The following DYSF variants were observed in gnomAD, a reference collection of about 807,000 sequenced individuals.
DYSF encodes dystrophy-associated fer-1-like 1.
In DYSF, 212 loss-of-function variants were observed where a neutral mutation model predicts 274.9. The observed-to-expected ratio is 0.77, with a 90% CI of 0.69 to 0.86. The LOEUF is 0.86. Among genes scored for constraint, DYSF ranks in the 40% least tolerant of loss-of-function variants. The probability of loss-of-function intolerance (pLI) is 0.00; values close to 1 mark genes in which losing one functional copy is unlikely to be tolerated. For synonymous variants in DYSF, 1,091 were observed against 1,078.7 expected, an observed-to-expected ratio of 1.01 and a Z score of -0.22; for missense variants, 2,666 against 2,783.2, an observed-to-expected ratio of 0.96 and a Z score of 0.95.
intron 42 of DYSF, among the ~76,000 whole-genome samples, chr2:71,649,242 A>G (rs1457393521): frequency 6.6e-6 from 1 of 152,106 alleles, no homozygotes; most frequent in Non-Finnish European, 1.5e-5. Context: ...TAAATATCAT[A>G]TATACTGAAA....
chr2:71,662,623 G>T (rs931369131), intron 45 of DYSF, among the ~76,000 whole-genome samples: 43 of 107,046 alleles, frequency 4.0e-4, no homozygotes, highest in Admixed American at 6.3e-4. Context: ...CTGTGTGTCT[G>T]TGTGGCATGT....
At chr2:71,549,449 A>G (rs2090763444) in intron 17 of DYSF, 14 of 1,553,886 alleles carry the variant, frequency 9.0e-6, no homozygotes, top group Non-Finnish European at 1.1e-5. Flanking sequence ...TTTTGGCTAG[A>G]GGGGCGAGGG....
At chr2:71,625,233 TTCTCTC>T (rs201027507) in intron 41 of DYSF, among the ~76,000 whole-genome samples, 1 of 152,090 alleles carries the variant, frequency 6.6e-6, no homozygotes, top group South Asian at 2.1e-4. Context: ...CTTTATCTCT[TTCTCTC>T]TCTCTTGTTT....
intron 7 of DYSF, among the ~76,000 whole-genome samples, chr2:71,514,822 C>T (rs1389808891): frequency 6.6e-6 from 1 of 152,196 alleles, no homozygotes; most frequent in African/African-American, 2.4e-5. Context: ...ATTCCCCAAA[C>T]ATGTTCATAT....
chr2:71,645,469 G>A (rs994923141), intron 42 of DYSF, among the ~76,000 whole-genome samples: 6 of 151,722 alleles, frequency 4.0e-5, no homozygotes, highest in Admixed American at 2.0e-4. Flanking sequence ...TCGACATCCC[G>A]CCGCTTGTGT....
intron 47 of DYSF, among the ~76,000 whole-genome samples, chr2:71,666,545 A>G (rs2095014303): frequency 6.6e-6 from 1 of 152,244 alleles, no homozygotes; most frequent in Non-Finnish European, 1.5e-5. Context: ...CCCAAAGCCA[A>G]GGCCTTTGAC....
At chr2:71,526,411 T>TGGGGGGGGGGGGGGGGGGGGGGGGG in intron 13 of DYSF, 65 bp downstream of exon 13, 6 of 306,924 alleles carry the variant, frequency 2.0e-5, no homozygotes, top group East Asian at 1.1e-4. Context: ...CTGGTGGGGG[T>TGGGGGGGGGGGGGGGGGGGGGGGGG]GGGCGATGGC....
chr2:71,664,324 A>G lies in DYSF; in HGVS notation c.5060A>G (p.Tyr1687Cys), dbSNP rs1553412643. ...PLEKDLKITL[Y>C]DYDLLSKDEK... ...GAGAAGGACCTAAAGATCACTCTCT[A>G]TGACTATGACCTCCTCTCCAAGGAC... Residue 1687 changes from tyrosine to cysteine, a missense_variant, in exon 46 of 56, where the codon TAT (tyrosine) becomes TGT (cysteine). Coordinates refer to ENST00000410020, the MANE Select transcript of DYSF (RefSeq NM_001130987.2). The G allele has an allele frequency of 1.1e-5, 17 of 1,614,150 alleles. No individual in the cohort carries two copies. Among genetic ancestry groups the G allele is most frequent in the Non-Finnish European group, 1.4e-5 (17 of 1,180,006 alleles).
At chr2:71,507,136 G>A (rs1437995757) in intron 4 of DYSF, among the ~76,000 whole-genome samples, 1 of 152,140 alleles carries the variant, frequency 6.6e-6, no homozygotes, top group East Asian at 1.9e-4. Flanking sequence ...CACTGGGCAC[G>A]GTGTGGAAGA....
chr2:71,537,218 G>GTTTT (rs751063098), intron 16 of DYSF, among the ~76,000 whole-genome samples: 1,308 of 47,206 alleles, frequency 0.028, 47 homozygotes, highest in Middle Eastern at 0.083. Flanking sequence ...TTACTTTCTA[G>GTTTT]TTTTGTTTTT....
At chr2:71,506,193 G>A (rs984350563) in intron 4 of DYSF, among the ~76,000 whole-genome samples, 1 of 152,178 alleles carries the variant, frequency 6.6e-6, no homozygotes, top group African/African-American at 2.4e-5. Flanking sequence ...GAGGAAGTAG[G>A]TGGCGCACAA....
chr2:71,579,113 A>AG (rs1285308776), intron 30 of DYSF, among the ~76,000 whole-genome samples: 1 of 151,974 alleles, frequency 6.6e-6, no homozygotes, highest in African/African-American at 2.4e-5. Flanking sequence ...CTGTGGCCAC[A>AG]GCAGCCACCA....
intron 47 of DYSF, 66 bp downstream of exon 47, chr2:71,665,370 C>T (rs1392171629): frequency 6.2e-7 from 1 of 1,605,890 alleles, no homozygotes; most frequent in Non-Finnish European, 8.5e-7. Context: ...CTCATCAGAC[C>T]CTCTGCTACC....
chr2:71,577,492 AACAC>A (rs571266520), intron 30 of DYSF, among the ~76,000 whole-genome samples: 42 of 145,886 alleles, frequency 2.9e-4, no homozygotes, highest in South Asian at 2.3e-3. Flanking sequence ...CATATATACC[AACAC>A]ACACACACAG....
Position 71,533,669 on chromosome 2 carries a change from A to G in DYSF, c.1381-1352A>G, listed in dbSNP as rs781274968. ...AGGGCAGTGGGAACATGCATTTGAA[A>G]CTACAATACATAGTGGCCAATTGTC... On this transcript the variant is annotated intron_variant, in intron 14 of 55. Coordinates refer to ENST00000410020, the MANE Select transcript of DYSF (RefSeq NM_001130987.2). 3.0e-4 allele frequency among the ~76,000 whole-genome samples: 45 copies of G among 152,182 alleles called. 1 individual carries two copies. Among genetic ancestry groups the G allele is most frequent in the Admixed American group, 2.6e-3 (39 of 15,282 alleles).
intron 32 of DYSF, among the ~76,000 whole-genome samples, chr2:71,594,591 A>T (rs1289474489): frequency 6.6e-6 from 1 of 152,104 alleles, no homozygotes; most frequent in Non-Finnish European, 1.5e-5. Context: ...ACCATTTGTG[A>T]TCTGCCCCTC....
At chr2:71,676,519 T>G (rs2095224747) in intron 52 of DYSF, among the ~76,000 whole-genome samples, 1 of 152,150 alleles carries the variant, frequency 6.6e-6, no homozygotes, top group Non-Finnish European at 1.5e-5. Flanking sequence ...CCAATTTTTC[T>G]TATGCTTTAA....
chr2:71,453,939 TC>T, exon 1 of DYSF: 2 of 1,576,740 alleles, frequency 1.3e-6, no homozygotes, highest in Admixed American at 3.4e-5. Flanking sequence ...GCCTCGGCCC[TC>T]CCGACCTTTC....
intron 30 of DYSF, among the ~76,000 whole-genome samples, chr2:71,582,852 C>A (rs1290196076): frequency 6.6e-6 from 1 of 151,916 alleles, no homozygotes; most frequent in African/African-American, 2.4e-5. Flanking sequence ...GAAGCAGCCT[C>A]AGGAGCAGAG....
Sources: allele counts gnomAD v4.1 joint callset (sites outside exome capture counted in the v4.1 genomes callset), GRCh38; gene constraint gnomAD v4.1.1; transcripts MANE v1.5; gene names NCBI Gene and HGNC (gene_info 2026-07-23, HGNC 2026-07-21).